ARPC1A: variants seen among roughly 807,000 people sequenced by gnomAD.
The protein encoded by ARPC1A is actin related protein 2/3 complex subunit 1A.
ARPC1A carries 8 observed loss-of-function variants against 46.9 expected under a neutral mutation model. The ratio of observed to expected loss-of-function variants is 0.17; its 90% CI spans 0.10 to 0.31. The LOEUF is 0.31. Ranked by LOEUF, ARPC1A falls within the 10% of genes least tolerant of loss-of-function variation. ARPC1A has a pLI of 1.00. For missense variants in ARPC1A, 286 were observed against 483.6 expected (o/e 0.59, Z 3.83); for synonymous variants, 152 against 169.0 (o/e 0.90, Z 0.78).
At chr7:99,339,332 G>C (rs997644394) in intron 3 of ARPC1A, among the ~76,000 whole-genome samples, 3 of 152,164 alleles carry the variant, frequency 2.0e-5, no homozygotes, top group East Asian at 1.9e-4. Flanking sequence ...AGGATCGCTT[G>C]AACCCAGGAA....
intron 7 of ARPC1A, among the ~76,000 whole-genome samples, chr7:99,359,154 G>A (rs1216536086): frequency 1.4e-4 from 21 of 151,528 alleles, no homozygotes; most frequent in Admixed American, 7.9e-4. Context: ...AGTAAGAGGG[G>A]GTGGGGCACG....
intron 2 of ARPC1A, among the ~76,000 whole-genome samples, chr7:99,334,723 C>A (rs1029969629): frequency 6.6e-6 from 1 of 152,122 alleles, no homozygotes; most frequent in African/African-American, 2.4e-5. Context: ...GCTCTGTCAT[C>A]CAAGCTGGAG....
intron 1 of ARPC1A, among the ~76,000 whole-genome samples, chr7:99,329,256 G>A (rs1167190171): frequency 2.0e-5 from 3 of 150,318 alleles, no homozygotes; most frequent in Non-Finnish European, 4.4e-5. Flanking sequence ...AGCCGAGATC[G>A]TGCCACTGTA....
At chr7:99,348,783 C>A in intron 4 of ARPC1A, 69 bp from the exon 5 acceptor site, 1 of 1,218,002 alleles carries the variant, frequency 8.2e-7, no homozygotes, top group Non-Finnish European at 1.2e-6. Flanking sequence ...TTTCACCTGA[C>A]ATACATTTGT....
At chr7:99,356,359 CTT>C (rs1185532010) in intron 6 of ARPC1A, among the ~76,000 whole-genome samples, 1 of 152,178 alleles carries the variant, frequency 6.6e-6, no homozygotes, top group Non-Finnish European at 1.5e-5. Flanking sequence ...AATCCCAGCA[CTT>C]TGGGAGGCCG....
chr7:99,343,191 G>A (rs1434887221), intron 3 of ARPC1A, among the ~76,000 whole-genome samples: 3 of 151,940 alleles, frequency 2.0e-5, no homozygotes, highest in African/African-American at 7.3e-5. Context: ...TCAAGGCCAG[G>A]CACTGTGGCT....
intron 7 of ARPC1A, 39 bp downstream of exon 7, chr7:99,358,454 A>G (rs892268530): frequency 1.3e-6 from 2 of 1,553,482 alleles, no homozygotes; most frequent in Non-Finnish European, 1.8e-6. Flanking sequence ...GGTGCACTGT[A>G]TGTGATGCTC....
chr7:99,347,758 G>A (rs1369395980), intron 4 of ARPC1A, among the ~76,000 whole-genome samples: 1 of 151,676 alleles, frequency 6.6e-6, no homozygotes, highest in Admixed American at 6.6e-5. Flanking sequence ...GACCCCGGGA[G>A]GTGGAGGTTG....
chr7:99,345,568 G>A (rs1162704439), intron 4 of ARPC1A, among the ~76,000 whole-genome samples: 1 of 151,970 alleles, frequency 6.6e-6, no homozygotes, highest in Non-Finnish European at 1.5e-5. Flanking sequence ...GGAAGCAGGA[G>A]AATTACTTGA....
intron 5 of ARPC1A, 142 bp from the exon 6 acceptor site, chr7:99,353,767 C>T: frequency 2.5e-6 from 2 of 809,670 alleles, no homozygotes; most frequent in South Asian, 3.7e-5. Context: ...GCTTGAGCCA[C>T]CGTGCCCAGC....
chr7:99,326,329 T>C (rs191926476), intron 1 of ARPC1A, among the ~76,000 whole-genome samples: 1 of 152,184 alleles, frequency 6.6e-6, no homozygotes, highest in Non-Finnish European at 1.5e-5. Context: ...AGTAGGAGGA[T>C]CTCCCGTAAT....
At chr7:99,336,589 G>A (rs1793257852) in intron 2 of ARPC1A, among the ~76,000 whole-genome samples, 1 of 143,060 alleles carries the variant, frequency 7.0e-6, no homozygotes, top group African/African-American at 2.6e-5. Context: ...TGCCTCCTAC[G>A]ATCAAGCGAT....
intron 9 of ARPC1A, among the ~76,000 whole-genome samples, chr7:99,364,030 C>T (rs1793784850): frequency 2.0e-5 from 3 of 152,194 alleles, no homozygotes; most frequent in Non-Finnish European, 4.4e-5. Flanking sequence ...TATTGGCTCA[C>T]TGCAACCTCC....
intron 3 of ARPC1A, among the ~76,000 whole-genome samples, chr7:99,343,047 G>A (rs1793381037): frequency 6.6e-6 from 1 of 151,886 alleles, no homozygotes; most frequent in Non-Finnish European, 1.5e-5. Context: ...AGGCTCAGAG[G>A]TATATTTGTC....
intron 2 of ARPC1A, among the ~76,000 whole-genome samples, chr7:99,334,004 T>TGTGTACACAC (rs559944346): frequency 2.1e-5 from 3 of 141,328 alleles, no homozygotes; most frequent in African/African-American, 8.1e-5. Context: ...TGTGTGTGTG[T>TGTGTACACAC]ACACACACAC....
Position 99,344,420 on chromosome 7 carries a change from T to C in ARPC1A, c.297T>C (p.Ala99=). The change falls in exon 4 of 10, where the codon GCT becomes GCC. Residue 99 remains alanine (A), a synonymous_variant. Coordinates refer to ENST00000262942, the MANE Select transcript of ARPC1A (RefSeq NM_006409.4). The part of the protein sequence containing the change: ...TLVILRINRA[A]TFVKWSPLEN... The stretch of plus-strand genomic sequence containing the variant: ...TGATCCTGAGAATTAATCGCGCAGC[T>C]ACTTTTGTGAAGTGGTCCCCCCTAG... 4 of 1,614,018 alleles carry C rather than the reference T, an allele frequency of 2.5e-6. No homozygotes were observed. The highest frequency in any genetic ancestry group is 3.4e-6 in the Non-Finnish European group (4 of 1,179,872).
In ARPC1A at chr7:99,331,667, T is replaced by G. The variant is rs60686896; in HGVS notation, c.-29-1658T>G. ...GGCACAGTGGCTCACACCTGTAATC[T>G]CAGCACTTTGGGAGGCTGAGGAGGG... is the stretch of plus-strand genomic sequence containing the variant. On this transcript the variant is annotated intron_variant, in intron 1 of 9. Coordinates refer to ENST00000262942, the MANE Select transcript of ARPC1A (RefSeq NM_006409.4). Among the ~76,000 whole-genome samples the G allele has an allele frequency of 9.9e-3, 1,506 of 151,652 alleles. 32 individuals carry two copies. Among genetic ancestry groups the G allele is most frequent in the African/African-American group, 0.035 (1,454 of 41,394 alleles).
intron 8 of ARPC1A, 45 bp downstream of exon 8, chr7:99,359,783 C>T (rs1479248069): frequency 6.2e-7 from 1 of 1,602,674 alleles, no homozygotes; most frequent in Non-Finnish European, 8.5e-7. Flanking sequence ...AAGGTGCCTT[C>T]CTGCCCCTCG....
intron 2 of ARPC1A, among the ~76,000 whole-genome samples, chr7:99,337,063 G>A (rs1469431504): frequency 1.3e-5 from 2 of 152,060 alleles, no homozygotes; most frequent in African/African-American, 4.8e-5. Context: ...AAATGCCTGG[G>A]ACCAGAATTT....
Sources: allele counts gnomAD v4.1 joint callset (sites outside exome capture counted in the v4.1 genomes callset), GRCh38; gene constraint gnomAD v4.1.1; transcripts MANE v1.5; gene names NCBI Gene and HGNC (gene_info 2026-07-23, HGNC 2026-07-21).